The following P2RX1 variants were observed in gnomAD, a reference collection of about 807,000 sequenced individuals.
P2RX1 encodes the protein P2X purinoceptor 1.
Under a neutral mutation model 50.3 loss-of-function variants are expected in P2RX1, and 42 were observed. That is an observed-to-expected ratio of 0.83 (90% CI 0.65 to 1.08). The LOEUF (loss-of-function observed/expected upper bound fraction) is 1.08. P2RX1 is among the 50% of genes least tolerant of loss of function. The pLI, the probability that P2RX1 is intolerant of heterozygous loss-of-function variation, is 0.00. For synonymous variants in P2RX1, 199 were observed against 202.6 expected, an observed-to-expected ratio of 0.98 and a Z score of 0.15; for missense variants, 449 against 529.0, an observed-to-expected ratio of 0.85 and a Z score of 1.48.
chr17:3,898,638 C>A, intron 9 of P2RX1, 89 bp from the exon 10 acceptor site: 1 of 1,002,650 alleles, frequency 1.0e-6, no homozygotes, highest in Non-Finnish European at 1.6e-6. Flanking sequence ...GACTTCCCCA[C>A]CCTCGGCTGT....
In P2RX1 at chr17:3,916,165, T is replaced by G. The variant is rs772810160; in HGVS notation, c.61A>C (p.Met21Leu). 4.3e-6 allele frequency: 7 copies of G among 1,613,414 alleles called. No individual in the cohort carries two copies. Among genetic ancestry groups the G allele is most frequent in the African/African-American group, 1.3e-5 (1 of 75,014 alleles). ...AFLFEYDTPR[M>L]VLVRNKKVGV... Reference sequence around the variant, plus strand: ...ACCTTCTTATTACGCACCAGCACCATGCGGGGGGTGTCATACTCGAAGAGG... The same window carrying G: ...ACCTTCTTATTACGCACCAGCACCAGGCGGGGGGTGTCATACTCGAAGAGG... The change falls in exon 1 of 12, where the codon ATG (methionine) becomes CTG (leucine). Residue 21 changes from methionine to leucine, a missense_variant. By Grantham distance (15) the Met-to-Leu change is conservative (BLOSUM62 2). Transcript: ENST00000225538.
Position 3,903,692 on chromosome 17 carries a change from A to G in P2RX1, c.525-61T>C. 1 of 1,558,026 alleles carries G rather than the reference A, an allele frequency of 6.4e-7. No homozygotes were observed. The highest frequency in any genetic ancestry group is 8.8e-7 in the Non-Finnish European group (1 of 1,131,130). ...AGGAGGCCCCCTGTGTGTCCCACAC[A>G]GAGCTTGGCACAGCAGGGGGTGGGC... On this transcript the variant is annotated intron_variant, in intron 5 of 11. Coordinates refer to ENST00000225538, the MANE Select transcript of P2RX1 (RefSeq NM_002558.4). The surrounding 1 kb of genome is among the most constrained non-coding windows in gnomAD (Gnocchi z 4.6).
chr17:3,903,875 C>G lies in P2RX1; in HGVS notation c.524+53G>C, dbSNP rs979664011. On this transcript the variant is annotated intron_variant, in intron 5 of 11. Transcript: ENST00000225538. The surrounding 1 kb of genome is among the most constrained non-coding windows in gnomAD (Gnocchi z 4.6). ...AGATCCTTTCTAGACCTAGGCCCCC[C>G]TCTGTCTGGCCTGGGACCCTGTTCT... 4.8e-6 allele frequency: 7 copies of G among 1,454,002 alleles called. No homozygotes were observed. Among genetic ancestry groups the G allele is most frequent in the East Asian group, 4.5e-5 (2 of 44,120 alleles). 90.1% of individuals were successfully genotyped at this position (1,454,002 alleles called of 1,614,324 possible).
In P2RX1 at chr17:3,903,679, G is replaced by C. The variant is rs368452073; in HGVS notation, c.525-48C>G. ...ACCGCCCCTCCCCAGGAGGCCCCCT[G>C]TGTGTCCCACACAGAGCTTGGCACA... On this transcript the variant is annotated intron_variant, in intron 5 of 11. Coordinates refer to ENST00000225538, the MANE Select transcript of P2RX1 (RefSeq NM_002558.4). This position sits in a 1 kb window ranked among gnomAD's most constrained non-coding sequence, Gnocchi z 4.6. The C allele has an allele frequency of 1.8e-5, 28 of 1,582,780 alleles. No individual in the cohort carries two copies. The highest frequency in any genetic ancestry group is 1.9e-5 in the Non-Finnish European group (22 of 1,152,886).
chr17:3,907,318 T>TGTGTGTGTGG (rs2056285260), intron 1 of P2RX1, among the ~76,000 whole-genome samples: 1 of 151,558 alleles, frequency 6.6e-6, no homozygotes. Flanking sequence ...TGTGTGTGTG[T>TGTGTGTGTGG]GTGTGTGTGT....
At chr17:3,908,602 G>A (rs1038241105) in intron 1 of P2RX1, among the ~76,000 whole-genome samples, 1 of 152,022 alleles carries the variant, frequency 6.6e-6, no homozygotes, top group Non-Finnish European at 1.5e-5. Context: ...ATGGTGCCAG[G>A]CCTGCTCCTC....
In P2RX1 at chr17:3,898,516, T is replaced by C. The variant is rs2056075713; in HGVS notation, c.1000A>G (p.Thr334Ala). The change falls in exon 10 of 12, where the codon ACC (threonine) becomes GCC (alanine). Residue 334 changes from threonine (T) to alanine (A), a missense_variant. Transcript: ENST00000225538. ...GKFDIIPTMT[T>A]IGSGIGIFGV... ...AAGATGCCAATTCCAGAGCCGATGG[T>C]GGTCATTGTAGGGATGATGTCAAAC... 6.8e-6 allele frequency: 11 copies of C among 1,613,932 alleles called. No individual in the cohort carries two copies. The highest frequency in any genetic ancestry group is 9.3e-6 in the Non-Finnish European group (11 of 1,179,918).
At chr17:3,915,451 C>T (rs1220389088) in intron 1 of P2RX1, 18 of 456,510 alleles carry the variant, frequency 3.9e-5, no homozygotes, top group East Asian at 2.1e-4. Flanking sequence ...GAGCGTCCCA[C>T]GCTGCCTCTG....
chr17:3,898,456 A>G lies in P2RX1; in HGVS notation c.1032+28T>C, dbSNP rs777719677. The G allele has an allele frequency of 3.8e-6, 6 of 1,590,738 alleles. No individual in the cohort carries two copies. In the South Asian group the frequency reaches 5.5e-5, roughly 15 times the overall value. ...TGGAAGAGGAGGGGCCAACCCCAGC[A>G]CAGTGAGCCGGTGACCCCAGCACTT... On this transcript the variant is annotated intron_variant, in intron 10 of 11. Coordinates refer to ENST00000225538, the MANE Select transcript of P2RX1 (RefSeq NM_002558.4).
At chr17:3,904,567 T>C in intron 3 of P2RX1, 168 bp from the exon 4 acceptor site, 1 of 691,472 alleles carries the variant, frequency 1.4e-6, no homozygotes, top group Non-Finnish European at 2.5e-6. Context: ...CACACTGCTC[T>C]GCCGAGGCGC....
At position 3,915,409 on chromosome 17, in the gene P2RX1, C is replaced by G. The variant is rs116602936; in HGVS notation, c.137+680G>C. The G allele has an allele frequency of 1.1e-3, 522 of 455,100 alleles. 5 individuals are homozygous for G. The highest frequency in any genetic ancestry group is 9.7e-3 in the African/African-American group (484 of 50,138). 28.2% of individuals were successfully genotyped at this position (455,100 alleles called of 1,614,324 possible). A position where few individuals can be genotyped will look rare whatever the true frequency, so the allele number is the denominator to read the frequency against. ...ACAAGTGTGCCAGCCTCTGCCAGGC[C>G]TGTCTTGGCTCCCGAGACAACCATA... On this transcript the variant is annotated intron_variant, in intron 1 of 11. Transcript: ENST00000225538.
At position 3,903,936 on chromosome 17, in the gene P2RX1, G is replaced by T; in HGVS notation, c.516C>A (p.Asp172Glu). The change falls in exon 5 of 12, where the codon GAC (aspartate) becomes GAA (glutamate). Residue 172 changes from aspartate to glutamate, a missense_variant. Coordinates refer to ENST00000225538, the MANE Select transcript of P2RX1 (RefSeq NM_002558.4). The surrounding 1 kb of genome is among the most constrained non-coding windows in gnomAD (Gnocchi z 4.6). ...FGWCPVEVDD[D>E]IPRPALLREA... ...GAAGGTCAGAGTGTTACCGCGGGATGTCGTCATCCACCTCCACGGGGCACC... is the reference window on the plus strand; with the variant it reads ...GAAGGTCAGAGTGTTACCGCGGGATTTCGTCATCCACCTCCACGGGGCACC... 3.1e-6 allele frequency: 5 copies of T among 1,612,936 alleles called. No individual in the cohort carries two copies. Among genetic ancestry groups the T allele is most frequent in the Non-Finnish European group, 4.2e-6 (5 of 1,178,916 alleles).
Position 3,898,466 on chromosome 17 carries a change from G to A in P2RX1, c.1032+18C>T, listed in dbSNP as rs774041977. ...GGGGCCAACCCCAGCACAGTGAGCC[G>A]GTGACCCCAGCACTTACCACCCCAA... On this transcript the variant is annotated intron_variant, in intron 10 of 11. Coordinates refer to ENST00000225538, the MANE Select transcript of P2RX1 (RefSeq NM_002558.4). 8.1e-6 allele frequency: 13 copies of A among 1,606,740 alleles called. No homozygotes were observed. In the African/African-American group the frequency reaches 9.4e-5, roughly 12 times the overall value.
rs376310833 is a variant in P2RX1 at position 3,901,281 on chromosome 17, A to T, written c.748-1520T>A. 5.9e-5 allele frequency among the ~76,000 whole-genome samples: 9 copies of T among 152,288 alleles called. No homozygotes were observed. The South Asian group carries it at 1.9e-3, about 32-fold the overall frequency. On this transcript the variant is annotated intron_variant, in intron 7 of 11. Coordinates refer to ENST00000225538, the MANE Select transcript of P2RX1 (RefSeq NM_002558.4). ...ACGGGGTTTCACCGTGTTAGCCAGG[A>T]TGGTCTCGATCTCCTGACCTCGTGA...
At position 3,916,222 on chromosome 17, in the gene P2RX1, C is replaced by T. The variant is rs1213377307; in HGVS notation, c.4G>A (p.Ala2Thr). 1 of 1,612,894 alleles carries T rather than the reference C, an allele frequency of 6.2e-7. No homozygotes were observed. The highest frequency in any genetic ancestry group is 8.5e-7 in the Non-Finnish European group (1 of 1,179,982). Residue 2 changes from alanine to threonine, a missense_variant, in exon 1 of 12, where the codon GCA becomes ACA. Coordinates refer to ENST00000225538, the MANE Select transcript of P2RX1 (RefSeq NM_002558.4). M[A>T]RRFQEELAAF... is the part of the protein sequence containing the mutation. ...GCCAGCTCCTCCTGGAACCGCCGTG[C>T]CATGGTGGGCCGGCTGGGGCTCAGA...
chr17:3,904,212 G>C, intron 4 of P2RX1, 118 bp downstream of exon 4: 1 of 1,154,234 alleles, frequency 8.7e-7, no homozygotes, highest in East Asian at 2.4e-5. Context: ...AGTCCCTCCC[G>C]GAGGCCGCCT....
intron 2 of P2RX1, 70 bp from the exon 3 acceptor site, chr17:3,904,999 G>T: frequency 1.6e-6 from 2 of 1,246,344 alleles, no homozygotes; most frequent in Non-Finnish European, 2.3e-6. Flanking sequence ...GGGCCCCACC[G>T]CTGCCCCAGC....
intron 1 of P2RX1, among the ~76,000 whole-genome samples, chr17:3,910,162 A>G (rs1413913920): frequency 6.6e-6 from 1 of 151,760 alleles, no homozygotes; most frequent in Admixed American, 6.6e-5. Flanking sequence ...TTTAGTATAG[A>G]CGGGGCTTCA....
At chr17:3,898,142 G>T in intron 10 of P2RX1, 32 bp from the exon 11 acceptor site, 1 of 1,570,988 alleles carries the variant, frequency 6.4e-7, no homozygotes, top group Non-Finnish European at 8.8e-7. Context: ...GAGACAGCGT[G>T]GGAATCCGGG....
Sources: gnomAD v4.1 joint callset for allele counts (sites outside exome capture counted in the v4.1 genomes callset) on GRCh38, gnomAD v4.1.1 for gene constraint, Gnocchi (gnomAD v3.1) non-coding constraint, MANE v1.5 for transcripts, NCBI Gene and HGNC (gene_info 2026-07-23, HGNC 2026-07-21) for gene names.